PKIB: variants seen among roughly 807,000 people sequenced by gnomAD.
PKIB encodes PKI-beta.
In PKIB, 2 loss-of-function variants were observed where a neutral mutation model predicts 4.5. The observed-to-expected ratio is 0.44, with a 90% CI of 0.18 to 1.39. The LOEUF (loss-of-function observed/expected upper bound fraction) is 1.39, where lower values mean the gene tolerates loss of function less well. PKIB is among the 40% of genes most tolerant of loss of function. The pLI is 0.27. For missense variants in PKIB, 94 were observed against 92.6 expected (o/e 1.02, Z -0.06); for synonymous variants, 38 against 36.0 (o/e 1.06, Z -0.20).
At chr6:122,525,271 T>C (rs1343636185) in intron 2 of PKIB, among the ~76,000 whole-genome samples, 1 of 152,226 alleles carries the variant, frequency 6.6e-6, no homozygotes, top group Non-Finnish European at 1.5e-5. Context: ...GTTTACCTTG[T>C]GCTTTTTATT....
chr6:122,493,170 C>T (rs1361990873), intron 2 of PKIB: 1 of 152,116 alleles, frequency 6.6e-6, no homozygotes, highest in African/African-American at 2.4e-5. Context: ...ATATCTGTGT[C>T]CCCCCTGCAA....
At chr6:122,656,644 A>G (rs1286334601) in intron 2 of PKIB, among the ~76,000 whole-genome samples, 2 of 152,186 alleles carry the variant, frequency 1.3e-5, no homozygotes, top group East Asian at 3.8e-4. Flanking sequence ...AGGCGGGAGA[A>G]GTGAGGGGGC....
chr6:122,566,636 C>T (rs1193178034), intron 2 of PKIB, among the ~76,000 whole-genome samples: 2 of 146,168 alleles, frequency 1.4e-5, no homozygotes, highest in African/African-American at 5.2e-5. Context: ...CTTCCTCCCT[C>T]CCTCCCTTCC....
intron 2 of PKIB, among the ~76,000 whole-genome samples, chr6:122,575,382 A>T (rs750475448): frequency 6.6e-6 from 1 of 152,142 alleles, no homozygotes; most frequent in African/African-American, 2.4e-5. Context: ...ATCTTGCAGC[A>T]ATATGTGGTA....
rs557790116 is a variant in PKIB at position 122,530,702 on chromosome 6, C to T, written c.-248+52763C>T. On this transcript the variant is annotated intron_variant, in intron 2 of 6. Transcript: ENST00000392491. ...ACATGCTACTAGCCTCTGTTTTCAGCAGCTTCTAAACTCTCCCAGTCAGGT... is the reference window on the plus strand; with the variant it reads ...ACATGCTACTAGCCTCTGTTTTCAGTAGCTTCTAAACTCTCCCAGTCAGGT... Among the ~76,000 whole-genome samples the T allele has an allele frequency of 2.0e-5, 3 of 152,258 alleles. No homozygotes were observed. In the East Asian group the frequency reaches 5.8e-4, roughly 29 times the overall value.
chr6:122,547,281 G>T (rs1772523999), intron 2 of PKIB, among the ~76,000 whole-genome samples: 1 of 150,994 alleles, frequency 6.6e-6, no homozygotes, highest in Admixed American at 6.6e-5. Context: ...ACTTGGGGTG[G>T]TGGGGGTGGA....
intron 2 of PKIB, among the ~76,000 whole-genome samples, chr6:122,544,267 A>C (rs779501460): frequency 4.6e-5 from 7 of 151,994 alleles, no homozygotes; most frequent in Non-Finnish European, 1.0e-4. Context: ...AAACTAATAA[A>C]CTTACACAAA....
chr6:122,598,496 G>A (rs927202960), intron 3 of PKIB, among the ~76,000 whole-genome samples: 1 of 152,188 alleles, frequency 6.6e-6, no homozygotes, highest in Non-Finnish European at 1.5e-5. Flanking sequence ...GTAGTTGAGT[G>A]ACTGCGGTTC....
chr6:122,491,530 G>A (rs1030214735), intron 2 of PKIB, among the ~76,000 whole-genome samples: 1 of 152,164 alleles, frequency 6.6e-6, no homozygotes, highest in African/African-American at 2.4e-5. Context: ...GCTACCTACT[G>A]TAAAAATTAG....
At chr6:122,521,904 C>T (rs996869774) in intron 2 of PKIB, among the ~76,000 whole-genome samples, 9 of 152,094 alleles carry the variant, frequency 5.9e-5, no homozygotes, top group Admixed American at 2.6e-4. Context: ...TGTCAATTTC[C>T]GATGGCTGGC....
At chr6:122,547,628 G>T (rs35524515) in intron 2 of PKIB, among the ~76,000 whole-genome samples, 19,924 of 151,106 alleles carry the variant, frequency 0.13, 1,430 homozygotes, top group East Asian at 0.21. Context: ...GTGAGCCACC[G>T]CGCCCGGCCT....
intron 2 of PKIB, among the ~76,000 whole-genome samples, chr6:122,652,047 C>T (rs1776574642): frequency 6.6e-6 from 1 of 151,986 alleles, no homozygotes; most frequent in East Asian, 1.9e-4. Flanking sequence ...TCTTTAATAC[C>T]TTTAAATTTA....
chr6:122,537,484 T>C (rs999835866), intron 2 of PKIB, among the ~76,000 whole-genome samples: 19 of 152,150 alleles, frequency 1.2e-4, no homozygotes, highest in Admixed American at 9.8e-4. Context: ...TCCAGTTTCA[T>C]CCATGTCCCT....
chr6:122,713,828 G>A (rs1052603608), intron 3 of PKIB, among the ~76,000 whole-genome samples: 1 of 152,040 alleles, frequency 6.6e-6, no homozygotes, highest in Non-Finnish European at 1.5e-5. Context: ...TCTACCTTCC[G>A]TTCCCAACTA....
chr6:122,496,590 A>G (rs1406549345), intron 2 of PKIB, among the ~76,000 whole-genome samples: 1 of 152,230 alleles, frequency 6.6e-6, no homozygotes. Flanking sequence ...AATACAATTG[A>G]AAGTTTTATC....
intron 2 of PKIB, among the ~76,000 whole-genome samples, chr6:122,502,351 T>C (rs1465399524): frequency 6.6e-6 from 1 of 151,986 alleles, no homozygotes; most frequent in Non-Finnish European, 1.5e-5. Context: ...TTTATGCCAC[T>C]ATAAAGACAT....
intron 2 of PKIB, among the ~76,000 whole-genome samples, chr6:122,517,778 A>G (rs749254901): frequency 1.3e-5 from 2 of 152,216 alleles, no homozygotes; most frequent in African/African-American, 2.4e-5. Context: ...AAATACAGTA[A>G]TTCTTGATCA....
At chr6:122,679,939 AG>A (rs1430425174) in intron 3 of PKIB, among the ~76,000 whole-genome samples, 3 of 152,214 alleles carry the variant, frequency 2.0e-5, no homozygotes, top group Admixed American at 2.0e-4. Context: ...AGGAGCCAAA[AG>A]TTCAGAACAG....
At chr6:122,575,222 T>A (rs1236670366) in intron 2 of PKIB, among the ~76,000 whole-genome samples, 1 of 152,140 alleles carries the variant, frequency 6.6e-6, no homozygotes, top group Non-Finnish European at 1.5e-5. Context: ...CTTGCAAGAA[T>A]GGCCGTTTAA....
Sources: gnomAD v4.1 joint callset for allele counts (sites outside exome capture counted in the v4.1 genomes callset) on GRCh38, gnomAD v4.1.1 for gene constraint, MANE v1.5 for transcripts, NCBI Gene and HGNC (gene_info 2026-07-23, HGNC 2026-07-21) for gene names.